The following DYTN variants were observed in gnomAD, a reference collection of about 807,000 sequenced individuals.
DYTN encodes dystrotelin.
DYTN carries 75 observed loss-of-function variants against 69.6 expected under a neutral mutation model. The ratio of observed to expected loss-of-function variants is 1.08; its 90% CI spans 0.89 to 1.31. The LOEUF is 1.31. Ranked by LOEUF, DYTN falls within the 50% of genes most tolerant of loss-of-function variation. The pLI is 0.00. For synonymous variants in DYTN, 252 were observed against 249.1 expected, an observed-to-expected ratio of 1.01 and a Z score of -0.11; for missense variants, 726 against 688.4, an observed-to-expected ratio of 1.05 and a Z score of -0.61.
At chr2:206,698,487 G>C (rs1285877117) in intron 7 of DYTN, among the ~76,000 whole-genome samples, 1 of 152,120 alleles carries the variant, frequency 6.6e-6, no homozygotes, top group Non-Finnish European at 1.5e-5. Flanking sequence ...CTCCTTCCGG[G>C]AACCCTCAGT....
chr2:206,657,025 G>T (rs1356329002), intron 11 of DYTN, among the ~76,000 whole-genome samples: 1 of 152,096 alleles, frequency 6.6e-6, no homozygotes. Context: ...GCTTCCCAAA[G>T]TGCTGGGATT....
chr2:206,654,928 T>A (rs13412486), intron 11 of DYTN, among the ~76,000 whole-genome samples: 90,362 of 151,984 alleles, frequency 0.59, 27,157 homozygotes, highest in South Asian at 0.68. Flanking sequence ...AATAGAGATC[T>A]TTTTACTTGT....
Position 206,660,912 on chromosome 2 carries a change from C to T in DYTN, c.1633+1991G>A, listed in dbSNP as rs187798798. Among the ~76,000 whole-genome samples the T allele has an allele frequency of 4.6e-5, 7 of 152,254 alleles. No individual in the cohort carries two copies. In the East Asian group the frequency reaches 7.7e-4, roughly 17 times the overall value. On this transcript the variant is annotated intron_variant, in intron 11 of 11. Transcript: ENST00000452335. Reference sequence around the variant, plus strand: ...CTTATGGGCTGAAATGTGCCCCCCTCCTACCCCAAATTTATATATTGAAGG... The same window carrying T: ...CTTATGGGCTGAAATGTGCCCCCCTTCTACCCCAAATTTATATATTGAAGG...
rs1699393004 is a variant in DYTN, at chr2:206,651,938, A to G, written c.1634-17T>C. ...ACTCCGGGCCTGAAATCAACAAACA[A>G]GAGAGTCATTTAGAGAAACATACCG... On this transcript the variant is annotated splice_polypyrimidine_tract_variant and intron_variant, in intron 11 of 11. Coordinates refer to ENST00000452335, the MANE Select transcript of DYTN (RefSeq NM_001093730.1). 1 of 1,604,922 alleles carries G rather than the reference A, an allele frequency of 6.2e-7. No individual in the cohort carries two copies. The highest frequency in any genetic ancestry group is 8.5e-7 in the Non-Finnish European group (1 of 1,174,918).
intron 9 of DYTN, among the ~76,000 whole-genome samples, chr2:206,677,989 CAA>C (rs66801707): frequency 7.4e-6 from 1 of 135,466 alleles, no homozygotes; most frequent in African/African-American, 2.7e-5. Flanking sequence ...GACTCCATCT[CAA>C]AAAAAAAAAG....
intron 5 of DYTN, among the ~76,000 whole-genome samples, chr2:206,703,645 C>A (rs115920983): frequency 0.011 from 1,649 of 152,202 alleles, 14 homozygotes; most frequent in Non-Finnish European, 0.018. Context: ...AAAGATAATT[C>A]TGAATAGGTT....
At chr2:206,655,892 T>C (rs1341795795) in intron 11 of DYTN, among the ~76,000 whole-genome samples, 1 of 152,268 alleles carries the variant, frequency 6.6e-6, no homozygotes, top group African/African-American at 2.4e-5. Flanking sequence ...AAGACTTGTT[T>C]TGTGCATTAA....
intron 11 of DYTN, among the ~76,000 whole-genome samples, chr2:206,660,909 C>G (rs531669369): frequency 6.6e-6 from 1 of 152,118 alleles, no homozygotes. Context: ...AATGTGCCCC[C>G]CTCCTACCCC....
intron 9 of DYTN, among the ~76,000 whole-genome samples, chr2:206,681,961 C>A (rs1699755145): frequency 6.6e-6 from 1 of 152,122 alleles, no homozygotes; most frequent in Non-Finnish European, 1.5e-5. Context: ...GTACCAGCTC[C>A]TCTTTGTACC....
intron 2 of DYTN, among the ~76,000 whole-genome samples, 154 bp from the exon 3 acceptor site, chr2:206,707,657 T>C (rs1273052394): frequency 1.3e-5 from 2 of 152,232 alleles, no homozygotes; most frequent in South Asian, 2.1e-4. Flanking sequence ...TTTGGACATA[T>C]ATTCCTTGTG....
intron 11 of DYTN, among the ~76,000 whole-genome samples, chr2:206,658,243 C>T (rs1699471056): frequency 6.6e-6 from 1 of 152,004 alleles, no homozygotes; most frequent in Non-Finnish European, 1.5e-5. Context: ...TCATTTCGTT[C>T]ATGTATTGTT....
At chr2:206,714,802 AAGGCAGAG>A (rs1005287880) in intron 1 of DYTN, among the ~76,000 whole-genome samples, 2 of 152,150 alleles carry the variant, frequency 1.3e-5, no homozygotes, top group African/African-American at 4.8e-5. Flanking sequence ...TCCAAAGCCA[AAGGCAGAG>A]AGCATCACAA....
chr2:206,682,811 T>C (rs34066140), intron 9 of DYTN, among the ~76,000 whole-genome samples: 9,017 of 152,222 alleles, frequency 0.059, 374 homozygotes, highest in Non-Finnish European at 0.079. Flanking sequence ...CTTCTCTACC[T>C]GTAGCCTCCC....
At chr2:206,699,370 C>G (rs1864265) in intron 7 of DYTN, among the ~76,000 whole-genome samples, 1 of 152,030 alleles carries the variant, frequency 6.6e-6, no homozygotes, top group Non-Finnish European at 1.5e-5. Flanking sequence ...GGGTTTGAAG[C>G]TGCAGTGAGC....
intron 9 of DYTN, among the ~76,000 whole-genome samples, chr2:206,677,374 T>A (rs1021390088): frequency 2.6e-5 from 4 of 152,186 alleles, no homozygotes; most frequent in Non-Finnish European, 5.9e-5. Context: ...GCTGTTCTTA[T>A]GTAAAAATAA....
rs530335702 is a variant in DYTN, at chr2:206,713,339, G to A, written c.20-2741C>T. On this transcript the variant is annotated intron_variant, in intron 1 of 11. Coordinates refer to ENST00000452335, the MANE Select transcript of DYTN (RefSeq NM_001093730.1). ...ATGCTGTACAGTAGATCTCTTGATT[G>A]GGTTATTAATTTTATAAGGTAACAC... Among the ~76,000 whole-genome samples, 30 of 152,196 alleles carry A rather than the reference G, an allele frequency of 2.0e-4. No individual in the cohort carries two copies. In the South Asian group the frequency reaches 5.8e-3, roughly 29 times the overall value.
At chr2:206,663,513 G>T in intron 10 of DYTN, 118 bp from the exon 11 acceptor site, 2 of 1,092,690 alleles carry the variant, frequency 1.8e-6, no homozygotes, top group Non-Finnish European at 1.3e-6. Flanking sequence ...TTTCTCCTCT[G>T]TAAATATATT....
intron 10 of DYTN, among the ~76,000 whole-genome samples, chr2:206,664,555 C>G (rs958998187): frequency 6.6e-6 from 1 of 151,808 alleles, no homozygotes; most frequent in African/African-American, 2.4e-5. Flanking sequence ...TAGCTAGCCA[C>G]GAGGTTGAGG....
intron 1 of DYTN, among the ~76,000 whole-genome samples, chr2:206,712,189 T>A (rs915166368): frequency 2.6e-5 from 4 of 152,124 alleles, no homozygotes; most frequent in African/African-American, 9.7e-5. Context: ...CTAACAAAAG[T>A]CTAAGAAGTC....
Sources: allele counts gnomAD v4.1 joint callset (sites outside exome capture counted in the v4.1 genomes callset), GRCh38; gene constraint gnomAD v4.1.1; transcripts MANE v1.5; gene names NCBI Gene and HGNC (gene_info 2026-07-23, HGNC 2026-07-21).